The following PIK3C2G variants were observed in gnomAD, a reference collection of about 807,000 sequenced individuals.
PIK3C2G encodes the protein phosphatidylinositol-4-phosphate 3-kinase catalytic subunit type 2 gamma, also known as phosphatidylinositol 3-kinase C2 domain-containing subunit gamma.
PIK3C2G carries 168 observed loss-of-function variants against 181.1 expected under a neutral mutation model. The ratio of observed to expected loss-of-function variants is 0.93; its 90% CI spans 0.82 to 1.05. PIK3C2G has a LOEUF of 1.05. Among genes scored for constraint, PIK3C2G ranks in the 50% least tolerant of loss-of-function variants. The pLI, the probability that PIK3C2G is intolerant of heterozygous loss-of-function variation, is 0.00. For synonymous variants in PIK3C2G, 573 were observed against 592.2 expected, an observed-to-expected ratio of 0.97 and a Z score of 0.47; for missense variants, 1,869 against 1,732.8, an observed-to-expected ratio of 1.08 and a Z score of -1.40.
At chr12:18,690,993 T>A in the PIK3C2G span, among the ~76,000 whole-genome samples, 1 of 152,074 alleles carries the variant, frequency 6.6e-6, no homozygotes, top group Non-Finnish European at 1.5e-5. Context: ...GGTCAACTTG[T>A]GGAGAATAGA....
intron 5 of PIK3C2G, among the ~76,000 whole-genome samples, chr12:18,298,780 T>C (rs1362613472): frequency 1.3e-5 from 2 of 151,904 alleles, no homozygotes; most frequent in Non-Finnish European, 2.9e-5. Flanking sequence ...CTTGGATTTA[T>C]CAGCACCATT....
chr12:18,602,496 C>T (rs866799464), intron 30 of PIK3C2G, among the ~76,000 whole-genome samples: 5 of 151,836 alleles, frequency 3.3e-5, no homozygotes, highest in South Asian at 2.1e-4. Context: ...TCTAGGACCC[C>T]GCCCACTGCT....
intron 31 of PIK3C2G, among the ~76,000 whole-genome samples, chr12:18,625,723 T>A (rs749251965): frequency 4.6e-5 from 7 of 151,898 alleles, no homozygotes; most frequent in Non-Finnish European, 1.0e-4. Context: ...GCATATATAT[T>A]TAAAAGTGCT....
At chr12:18,318,008 T>C (rs563939992) in intron 6 of PIK3C2G, among the ~76,000 whole-genome samples, 4 of 152,330 alleles carry the variant, frequency 2.6e-5, no homozygotes, top group South Asian at 4.1e-4. Flanking sequence ...TTTGGCCCTT[T>C]ACAATTAAAA....
intron 13 of PIK3C2G, among the ~76,000 whole-genome samples, chr12:18,378,644 C>A (rs1942623722): frequency 6.6e-6 from 1 of 152,110 alleles, no homozygotes; most frequent in South Asian, 2.1e-4. Flanking sequence ...TATCCAGAAT[C>A]TACAAAGAAC....
intron 8 of PIK3C2G, among the ~76,000 whole-genome samples, chr12:18,331,373 A>C (rs770522838): frequency 1.3e-5 from 2 of 152,164 alleles, no homozygotes; most frequent in Non-Finnish European, 2.9e-5. Context: ...TTTACAATTT[A>C]GCATAGAGAT....
downstream of PIK3C2G, among the ~76,000 whole-genome samples, chr12:18,651,088 A>T (rs1950495077): frequency 6.6e-6 from 1 of 151,854 alleles, no homozygotes; most frequent in South Asian, 2.1e-4. Context: ...TCCCATCCTC[A>T]TCTCTCTGAT....
chr12:18,640,721 G>A (rs886366910), intron 32 of PIK3C2G, among the ~76,000 whole-genome samples, 167 bp downstream of exon 32: 2 of 152,114 alleles, frequency 1.3e-5, no homozygotes, highest in Admixed American at 1.3e-4. Flanking sequence ...GATGCTATGG[G>A]CACTGGAAAA....
chr12:18,580,059 C>G (rs185716580), intron 29 of PIK3C2G, among the ~76,000 whole-genome samples: 1 of 150,354 alleles, frequency 6.7e-6, no homozygotes, highest in East Asian at 2.0e-4. Context: ...CTTGAACCCA[C>G]GAGGTGGAGG....
chr12:18,643,625 C>G (rs960980171), intron 32 of PIK3C2G, among the ~76,000 whole-genome samples: 1 of 151,532 alleles, frequency 6.6e-6, no homozygotes, highest in Non-Finnish European at 1.5e-5. Flanking sequence ...GATGTTAACT[C>G]TGATTTTACT....
chr12:18,392,464 T>C (rs1943595811), intron 15 of PIK3C2G, among the ~76,000 whole-genome samples: 1 of 152,134 alleles, frequency 6.6e-6, no homozygotes, highest in Non-Finnish European at 1.5e-5. Flanking sequence ...AAACTTCAAA[T>C]GTGCTAGTCC....
At chr12:18,537,882 A>G (rs1943942768) in intron 24 of PIK3C2G, among the ~76,000 whole-genome samples, 1 of 151,990 alleles carries the variant, frequency 6.6e-6, no homozygotes, top group South Asian at 2.1e-4. Flanking sequence ...TTAATGAATA[A>G]TATTCCCCTC....
At chr12:18,303,845 G>A (rs1333196579) in intron 5 of PIK3C2G, among the ~76,000 whole-genome samples, 3 of 151,682 alleles carry the variant, frequency 2.0e-5, no homozygotes, top group African/African-American at 7.3e-5. Context: ...CTTACAGGAT[G>A]GTCAAATTTT....
chr12:18,473,800 G>A (rs2135988397), intron 18 of PIK3C2G, among the ~76,000 whole-genome samples: 1 of 152,248 alleles, frequency 6.6e-6, no homozygotes, highest in Non-Finnish European at 1.5e-5. Flanking sequence ...ACAATGACAT[G>A]AAACTAACTG....
At chr12:18,345,037 C>T (rs1264971812) in intron 10 of PIK3C2G, among the ~76,000 whole-genome samples, 1 of 152,074 alleles carries the variant, frequency 6.6e-6, no homozygotes, top group African/African-American at 2.4e-5. Flanking sequence ...TACGCTAAAG[C>T]TTAAATTAAT....
At chr12:18,303,402 T>G (rs956430528) in intron 5 of PIK3C2G, among the ~76,000 whole-genome samples, 2 of 151,940 alleles carry the variant, frequency 1.3e-5, no homozygotes, top group Non-Finnish European at 2.9e-5. Context: ...TGGCATGATC[T>G]TGGCTCACCG....
intron 18 of PIK3C2G, among the ~76,000 whole-genome samples, chr12:18,451,686 A>G (rs967649107): frequency 5.3e-5 from 8 of 152,174 alleles, no homozygotes; most frequent in African/African-American, 1.7e-4. Context: ...GCTTTTGCCC[A>G]TTCAGTATGA....
At chr12:18,615,896 A>T (rs1274135181) in intron 31 of PIK3C2G, among the ~76,000 whole-genome samples, 2 of 152,076 alleles carry the variant, frequency 1.3e-5, no homozygotes, top group Non-Finnish European at 2.9e-5. Context: ...TTCTTAGCTT[A>T]ATACCTTATA....
intron 18 of PIK3C2G, among the ~76,000 whole-genome samples, chr12:18,445,885 AC>A (rs1266141557): frequency 6.6e-6 from 1 of 152,192 alleles, no homozygotes; most frequent in East Asian, 1.9e-4. Flanking sequence ...ATTGCATAGA[AC>A]ATCTCTGAAT....
Sources: gnomAD v4.1 joint callset for allele counts (sites outside exome capture counted in the v4.1 genomes callset) on GRCh38, gnomAD v4.1.1 for gene constraint, MANE v1.5 for transcripts, NCBI Gene and HGNC (gene_info 2026-07-23, HGNC 2026-07-21) for gene names.